SUGCT: variants seen among roughly 807,000 people sequenced by gnomAD.
SUGCT encodes the protein succinyl-CoA:glutarate CoA-transferase.
In SUGCT, 41 loss-of-function variants were observed where a neutral mutation model predicts 55.0. The ratio of observed to expected loss-of-function variants is 0.74; its 90% CI spans 0.58 to 0.97. SUGCT has a LOEUF of 0.97. Among genes scored for constraint, SUGCT ranks in the 50% least tolerant of loss-of-function variants. The pLI, the probability that SUGCT is intolerant of heterozygous loss-of-function variation, is 0.00. For missense variants in SUGCT, 568 were observed against 547.8 expected, an observed-to-expected ratio of 1.04 and a Z score of -0.37; for synonymous variants, 187 against 200.4, an observed-to-expected ratio of 0.93 and a Z score of 0.56.
chr7:40,880,997 G>T, the SUGCT span, among the ~76,000 whole-genome samples: 1 of 152,220 alleles, frequency 6.6e-6, no homozygotes, highest in African/African-American at 2.4e-5. Flanking sequence ...ACAAGCATAT[G>T]TGTCTCACAC....
the SUGCT span, among the ~76,000 whole-genome samples, chr7:40,956,824 T>C: frequency 6.6e-6 from 1 of 152,190 alleles, no homozygotes; most frequent in East Asian, 1.9e-4. Context: ...TGTGTCTTTG[T>C]TCTCATTGGT....
At chr7:40,854,460 C>CT (rs963143246) in intron 13 of SUGCT, among the ~76,000 whole-genome samples, 3 of 138,860 alleles carry the variant, frequency 2.2e-5, no homozygotes, top group Non-Finnish European at 4.7e-5. Context: ...TTCTTTCTTT[C>CT]TTTCTTTCTT....
At chr7:40,310,813 A>T (rs1795105163) in intron 8 of SUGCT, among the ~76,000 whole-genome samples, 1 of 152,216 alleles carries the variant, frequency 6.6e-6, no homozygotes, top group Admixed American at 6.5e-5. Context: ...AATTGGCTCT[A>T]GTAGTTTATA....
At chr7:40,827,413 G>A (rs932659179) in intron 13 of SUGCT, among the ~76,000 whole-genome samples, 1 of 152,084 alleles carries the variant, frequency 6.6e-6, no homozygotes, top group Non-Finnish European at 1.5e-5. Flanking sequence ...AAGAGAGGGA[G>A]CAAAGAGGCT....
intron 13 of SUGCT, among the ~76,000 whole-genome samples, chr7:40,807,939 C>G (rs1791195887): frequency 6.6e-6 from 1 of 152,158 alleles, no homozygotes; most frequent in Non-Finnish European, 1.5e-5. Context: ...GTTCTTTTGC[C>G]TGCTTTTATT....
chr7:40,389,351 C>A (rs1456709192), intron 9 of SUGCT, among the ~76,000 whole-genome samples: 1 of 152,018 alleles, frequency 6.6e-6, no homozygotes, highest in East Asian at 1.9e-4. Flanking sequence ...ACTTGGGAGG[C>A]TGAGGTGGGA....
At position 40,859,511 on chromosome 7, in the gene SUGCT, A is replaced by T. The variant is rs149324700; in HGVS notation, c.1154-805A>T. 2.2e-3 allele frequency among the ~76,000 whole-genome samples: 333 copies of T among 152,340 alleles called. 4 individuals carry two copies. The highest frequency in any genetic ancestry group is 7.5e-3 in the African/African-American group (312 of 41,582). On this transcript the variant is annotated intron_variant, in intron 13 of 13. Coordinates refer to ENST00000335693, the MANE Select transcript of SUGCT (RefSeq NM_001193313.2). The stretch of plus-strand genomic sequence containing the variant: ...TGTTTAGAGGAACTTTGTGCCCGGC[A>T]CCCCTTTTCCCCTTACACTATAAGC...
chr7:40,929,500 C>T, the SUGCT span, among the ~76,000 whole-genome samples: 2 of 152,216 alleles, frequency 1.3e-5, no homozygotes, highest in African/African-American at 4.8e-5. Context: ...AATCGCCTCA[C>T]TGTCTTCCAC....
intron 12 of SUGCT, among the ~76,000 whole-genome samples, chr7:40,548,285 C>T (rs1370794492): frequency 6.8e-6 from 1 of 146,856 alleles, no homozygotes; most frequent in Non-Finnish European, 1.5e-5. Context: ...AACTCATGGG[C>T]TCAAATGCTC....
chr7:40,199,911 A>C (rs1437358775), intron 6 of SUGCT, among the ~76,000 whole-genome samples: 1 of 151,480 alleles, frequency 6.6e-6, no homozygotes, highest in Non-Finnish European at 1.5e-5. Flanking sequence ...AAATCATACA[A>C]AATATATGTG....
chr7:40,425,295 T>C (rs10245007), intron 9 of SUGCT, among the ~76,000 whole-genome samples: 86,674 of 151,900 alleles, frequency 0.57, 24,960 homozygotes, highest in South Asian at 0.65. Context: ...CAAGATCTTC[T>C]ATTCCAGACC....
rs144738432 is a variant in SUGCT at position 40,183,208 on chromosome 7, G to C, written c.226+1180G>C. Reference sequence around the variant, plus strand: ...GAATCTCTTAAACTTGGGAGGTGGAGGTTTCAGTGAGCCGAGGTCGTGCCA... The same window carrying C: ...GAATCTCTTAAACTTGGGAGGTGGACGTTTCAGTGAGCCGAGGTCGTGCCA... On this transcript the variant is annotated intron_variant, in intron 3 of 13. Transcript: ENST00000335693. Among the ~76,000 whole-genome samples, 23 of 152,328 alleles carry C rather than the reference G, an allele frequency of 1.5e-4. 1 individual carries two copies. The East Asian group carries it at 4.4e-3, about 29-fold the overall frequency.
intron 8 of SUGCT, among the ~76,000 whole-genome samples, chr7:40,313,279 G>A (rs1584652423): frequency 6.6e-6 from 1 of 152,196 alleles, no homozygotes. Context: ...GGGAATGAAA[G>A]TAATGATCTA....
intron 9 of SUGCT, among the ~76,000 whole-genome samples, chr7:40,408,037 T>C (rs1156457500): frequency 6.6e-6 from 1 of 152,176 alleles, no homozygotes; most frequent in Admixed American, 6.5e-5. Flanking sequence ...AGTCTTTTGG[T>C]AGTCATTATG....
At chr7:40,352,547 G>GTA (rs1562706146) in intron 9 of SUGCT, among the ~76,000 whole-genome samples, 1 of 152,120 alleles carries the variant, frequency 6.6e-6, no homozygotes, top group East Asian at 1.9e-4. Flanking sequence ...CCACATGTAA[G>GTA]TAAGAACATG....
the SUGCT span, among the ~76,000 whole-genome samples, chr7:41,005,303 G>T: frequency 3.3e-5 from 5 of 152,084 alleles, no homozygotes; most frequent in Non-Finnish European, 5.9e-5. Flanking sequence ...AAGTCAGGCT[G>T]CCCAAGAAAC....
intron 13 of SUGCT, among the ~76,000 whole-genome samples, chr7:40,850,936 A>G (rs1793818565): frequency 6.6e-6 from 1 of 152,240 alleles, no homozygotes; most frequent in South Asian, 2.1e-4. Flanking sequence ...AAGAAAGGAT[A>G]ACATACATTG....
At chr7:40,274,429 A>G in intron 7 of SUGCT, 84 bp from the exon 8 acceptor site, 1 of 1,435,434 alleles carries the variant, frequency 7.0e-7, no homozygotes, top group Non-Finnish European at 9.5e-7. Flanking sequence ...TCTTTTTTCT[A>G]TTTCACATTA....
At chr7:40,430,851 C>T (rs563878217) in intron 9 of SUGCT, among the ~76,000 whole-genome samples, 1 of 152,042 alleles carries the variant, frequency 6.6e-6, no homozygotes, top group Non-Finnish European at 1.5e-5. Context: ...CTGTGGCTAA[C>T]ACCTGTAATC....
Sources: gnomAD v4.1 joint callset for allele counts (sites outside exome capture counted in the v4.1 genomes callset) on GRCh38, gnomAD v4.1.1 for gene constraint, MANE v1.5 for transcripts, NCBI Gene and HGNC (gene_info 2026-07-23, HGNC 2026-07-21) for gene names.